The following PTCHD4 variants were observed in gnomAD, a reference collection of about 807,000 sequenced individuals.
PTCHD4 encodes the protein patched domain-containing protein 4.
Under a neutral mutation model 58.1 loss-of-function variants are expected in PTCHD4, and 33 were observed. The observed-to-expected ratio is 0.57, with a 90% CI of 0.43 to 0.76. PTCHD4 has a LOEUF of 0.76. PTCHD4 is among the 30% of genes least tolerant of loss of function. The probability of loss-of-function intolerance (pLI) is 0.00; values close to 1 mark genes in which losing one functional copy is unlikely to be tolerated. For synonymous variants in PTCHD4, 478 were observed against 409.6 expected (o/e 1.17, Z -2.02); for missense variants, 1,058 against 1,027.1 (o/e 1.03, Z -0.41).
At chr6:48,081,158 T>C (rs901448899) in intron 1 of PTCHD4, among the ~76,000 whole-genome samples, 10 of 152,176 alleles carry the variant, frequency 6.6e-5, no homozygotes, top group African/African-American at 1.9e-4. Flanking sequence ...ATGAAGGTAA[T>C]AGCACAAGGA....
At chr6:48,004,180 A>C (rs936384016) in intron 4 of PTCHD4, among the ~76,000 whole-genome samples, 1 of 152,284 alleles carries the variant, frequency 6.6e-6, no homozygotes, top group South Asian at 2.1e-4. Context: ...ATGCTCAATA[A>C]ATCTTTGAAA....
At chr6:47,976,732 G>A (rs564824439) in intron 4 of PTCHD4, among the ~76,000 whole-genome samples, 1 of 151,450 alleles carries the variant, frequency 6.6e-6, no homozygotes, top group South Asian at 2.1e-4. Context: ...CAAAGAATAT[G>A]TCCCTCTTAA....
chr6:47,878,370 C>T lies in PTCHD4; in HGVS notation c.2465G>A (p.Arg822Gln), dbSNP rs746678221. The T allele has an allele frequency of 1.4e-5, 23 of 1,611,800 alleles. No homozygotes were observed. The highest frequency in any genetic ancestry group is 1.7e-4 in the Middle Eastern group (1 of 6,060). The change falls in exon 5 of 5, where the codon CGA (arginine) becomes CAA (glutamine). Residue 822 changes from arginine to glutamine, a missense_variant. Physicochemically the swap from Arg to Gln is conservative, Grantham distance 43. Coordinates refer to ENST00000339488, the MANE Select transcript of PTCHD4 (RefSeq NM_001384253.1). ...KHHKKKKRAK[R>Q]KEREEIECIE... Reference sequence around the variant, plus strand: ...GCATTCAATTTCCTCTCTCTCCTTTCGCTTGGCACGTTTCTTTTTCTTGTG... The same window carrying T: ...GCATTCAATTTCCTCTCTCTCCTTTTGCTTGGCACGTTTCTTTTTCTTGTG...
At chr6:48,047,187 G>A (rs879374821) in intron 3 of PTCHD4, among the ~76,000 whole-genome samples, 4 of 151,676 alleles carry the variant, frequency 2.6e-5, no homozygotes, top group Non-Finnish European at 4.4e-5. Context: ...TCTAATGACT[G>A]TAGTGTTTTT....
intron 3 of PTCHD4, among the ~76,000 whole-genome samples, chr6:48,060,861 G>A (rs1017997742): frequency 1.3e-5 from 2 of 152,176 alleles, no homozygotes; most frequent in South Asian, 2.1e-4. Context: ...GAGAACCATC[G>A]ACTGTTCCAA....
At chr6:47,905,115 C>T (rs564820485) in intron 4 of PTCHD4, among the ~76,000 whole-genome samples, 7 of 148,368 alleles carry the variant, frequency 4.7e-5, no homozygotes, top group Admixed American at 1.4e-4. Context: ...TTGACAGCAA[C>T]GTGGAAACAG....
intron 4 of PTCHD4, among the ~76,000 whole-genome samples, chr6:47,929,816 T>C (rs1765748424): frequency 2.6e-5 from 4 of 152,240 alleles, no homozygotes; most frequent in Admixed American, 2.6e-4. Context: ...TGCTGTTGAA[T>C]GTGACCCTCT....
In PTCHD4 at chr6:48,027,825, G is replaced by A. The variant is rs76326196; in HGVS notation, c.418-18711C>T. ...AGTATGGGAAAGACAATTCACAACTGTCTACTTCCTAATTTTCTCTCAACA... is the reference window on the plus strand; with the variant it reads ...AGTATGGGAAAGACAATTCACAACTATCTACTTCCTAATTTTCTCTCAACA... On this transcript the variant is annotated intron_variant, in intron 3 of 4. Coordinates refer to ENST00000339488, the MANE Select transcript of PTCHD4 (RefSeq NM_001384253.1). Among the ~76,000 whole-genome samples the A allele has an allele frequency of 7.3e-3, 1,115 of 152,194 alleles. 9 individuals are homozygous for A. The highest frequency in any genetic ancestry group is 0.024 in the African/African-American group (996 of 41,540).
intron 3 of PTCHD4, among the ~76,000 whole-genome samples, chr6:48,042,224 G>A (rs1003655868): frequency 2.6e-5 from 4 of 152,012 alleles, no homozygotes; most frequent in Non-Finnish European, 4.4e-5. Flanking sequence ...CACTCACGTT[G>A]AGCAATTATT....
rs116753885 is a variant in PTCHD4 at position 48,028,713 on chromosome 6, T to C, written c.418-19599A>G. On this transcript the variant is annotated intron_variant, in intron 3 of 4. Coordinates refer to ENST00000339488, the MANE Select transcript of PTCHD4 (RefSeq NM_001384253.1). ...ATTTCCCTTGCTTTGTGTCAACCTT[T>C]ATCATGTTCTTGATTATTTAAGATA... Among the ~76,000 whole-genome samples the C allele has an allele frequency of 6.6e-3, 1,007 of 152,244 alleles. 9 individuals are homozygous for C. The highest frequency in any genetic ancestry group is 0.023 in the African/African-American group (950 of 41,570).
chr6:47,948,884 A>T (rs765296275), intron 4 of PTCHD4, among the ~76,000 whole-genome samples: 1 of 152,002 alleles, frequency 6.6e-6, no homozygotes, highest in Non-Finnish European at 1.5e-5. Context: ...CCCTCTCTCC[A>T]CTTTTATTGA....
intron 4 of PTCHD4, among the ~76,000 whole-genome samples, chr6:47,941,516 G>T (rs1402059532): frequency 6.6e-6 from 1 of 152,216 alleles, no homozygotes; most frequent in Non-Finnish European, 1.5e-5. Flanking sequence ...TTGGGAGACA[G>T]AAGTTACCCA....
chr6:47,867,532 A>C lies in PTCHD4; in HGVS notation c.*10771T>G, dbSNP rs1763602500. On this transcript the variant is annotated 3_prime_UTR_variant, in exon 5 of 5. Transcript: ENST00000339488. Reference sequence around the variant, plus strand: ...TCCAAGTAACTCCCCATATCCTGGCAATGCTTTATAATACCACTCACAATG... The same window carrying C: ...TCCAAGTAACTCCCCATATCCTGGCCATGCTTTATAATACCACTCACAATG... Among the ~76,000 whole-genome samples the C allele has an allele frequency of 7.0e-6, 1 of 142,008 alleles. No individual in the cohort carries two copies. The highest frequency in any genetic ancestry group is 1.5e-5 in the Non-Finnish European group (1 of 67,526). The allele number at this position is 142,008 out of a possible 152,430, so 93.2% of individuals were successfully genotyped here.
At chr6:48,085,021 G>A (rs1223756306) in intron 1 of PTCHD4, among the ~76,000 whole-genome samples, 1 of 151,220 alleles carries the variant, frequency 6.6e-6, no homozygotes, top group African/African-American at 2.4e-5. Context: ...TGGGATTACA[G>A]GTGTGAGCCA....
At chr6:47,990,512 G>T (rs1432572037) in intron 4 of PTCHD4, among the ~76,000 whole-genome samples, 1 of 152,098 alleles carries the variant, frequency 6.6e-6, no homozygotes, top group African/African-American at 2.4e-5. Context: ...TGTTCTCATG[G>T]TACTGAATAA....
chr6:47,971,794 A>G (rs1767522265), intron 4 of PTCHD4, among the ~76,000 whole-genome samples: 1 of 152,160 alleles, frequency 6.6e-6, no homozygotes, highest in South Asian at 2.1e-4. Context: ...AATCAAATCT[A>G]TAGGAAATTT....
chr6:47,920,263 T>A (rs977594217), intron 4 of PTCHD4, among the ~76,000 whole-genome samples: 2 of 152,048 alleles, frequency 1.3e-5, no homozygotes, highest in African/African-American at 4.8e-5. Context: ...TAGAACTTAC[T>A]GAGGATAGGA....
chr6:47,896,624 T>C (rs75383999), intron 4 of PTCHD4, among the ~76,000 whole-genome samples: 1,846 of 152,320 alleles, frequency 0.012, 37 homozygotes, highest in African/African-American at 0.041. Flanking sequence ...AGTAGTTTTT[T>C]ATTTCTTTGG....
intron 1 of PTCHD4, among the ~76,000 whole-genome samples, chr6:48,091,986 T>TACACATACACACAC (rs576546708): frequency 5.9e-4 from 89 of 151,256 alleles, no homozygotes; most frequent in Non-Finnish European, 7.5e-4. Context: ...AGTACACACA[T>TACACATACACACAC]ACACATACAC....
Sources: allele counts gnomAD v4.1 joint callset (sites outside exome capture counted in the v4.1 genomes callset), GRCh38; gene constraint gnomAD v4.1.1; transcripts MANE v1.5; gene names NCBI Gene and HGNC (gene_info 2026-07-23, HGNC 2026-07-21).